The following TFDP2 variants were observed in gnomAD, a reference collection of about 807,000 sequenced individuals.
The protein encoded by TFDP2 is transcription factor Dp-2 (E2F dimerization partner 2).
In TFDP2, 17 loss-of-function variants were observed where a neutral mutation model predicts 59.3. The ratio of observed to expected loss-of-function variants is 0.29; its 90% CI spans 0.20 to 0.43. The LOEUF (loss-of-function observed/expected upper bound fraction) is 0.43, where lower values mean the gene tolerates loss of function less well. Ranked by LOEUF, TFDP2 falls within the 20% of genes least tolerant of loss-of-function variation. TFDP2 has a pLI of 1.00. For synonymous variants in TFDP2, 180 were observed against 194.7 expected (o/e 0.92, Z 0.63); for missense variants, 391 against 528.8 (o/e 0.74, Z 2.56).
intron 7 of TFDP2, among the ~76,000 whole-genome samples, chr3:141,975,763 A>C (rs1940549339): frequency 6.6e-6 from 1 of 151,734 alleles, no homozygotes; most frequent in Admixed American, 6.6e-5. Flanking sequence ...TACTGGGAGG[A>C]GGCAATGTGA....
At position 141,968,604 on chromosome 3, in the gene TFDP2, CAT is replaced by C. The variant is rs1241148652; in HGVS notation, c.732+1467_732+1468del. On this transcript the variant is annotated intron_variant, in intron 9 of 12. Transcript: ENST00000489671. ...ATATCTCATATATAGATATATATAACATATATATCTCATATATAGATATATAT... is the reference window on the plus strand; with the variant it reads ...ATATCTCATATATAGATATATATAACATATATCTCATATATAGATATATAT... Among the ~76,000 whole-genome samples, 158 of 100,556 alleles carry C rather than the reference CAT, an allele frequency of 1.6e-3. 3 individuals carry two copies. The highest frequency in any genetic ancestry group is 2.4e-3 in the Non-Finnish European group (133 of 54,326). 66.0% of individuals were successfully genotyped at this position (100,556 alleles called of 152,430 possible). A position where few individuals can be genotyped will look rare whatever the true frequency, so the allele number is the denominator to read the frequency against.
chr3:142,138,437 T>C (rs1358348277), intron 1 of TFDP2, among the ~76,000 whole-genome samples: 5 of 152,228 alleles, frequency 3.3e-5, no homozygotes, highest in Non-Finnish European at 7.3e-5. Flanking sequence ...TGCTCTTGCT[T>C]CTCTAGTTCT....
At chr3:142,120,818 C>T (rs1329755344) in intron 1 of TFDP2, among the ~76,000 whole-genome samples, 1 of 152,104 alleles carries the variant, frequency 6.6e-6, no homozygotes, top group East Asian at 1.9e-4. Flanking sequence ...TGGGAACAAC[C>T]ACTGTTCATA....
intron 3 of TFDP2, among the ~76,000 whole-genome samples, chr3:142,051,266 G>A (rs769491838): frequency 2.6e-4 from 39 of 152,154 alleles, no homozygotes; most frequent in African/African-American, 3.4e-4. Flanking sequence ...CAGGCCTGGC[G>A]CGGTGGCTCA....
intron 3 of TFDP2, among the ~76,000 whole-genome samples, chr3:142,020,099 A>C (rs1427013982): frequency 4.6e-5 from 7 of 152,238 alleles, no homozygotes; most frequent in African/African-American, 1.7e-4. Context: ...TTTGTTTTGC[A>C]AAGAGAAATG....
chr3:142,140,788 G>C (rs1472044856), intron 1 of TFDP2, among the ~76,000 whole-genome samples: 1 of 152,190 alleles, frequency 6.6e-6, no homozygotes, highest in South Asian at 2.1e-4. Flanking sequence ...CCTGTATGAG[G>C]TGTCTGTCGC....
intron 3 of TFDP2, among the ~76,000 whole-genome samples, chr3:142,063,428 T>C (rs553184032): frequency 2.6e-5 from 4 of 152,336 alleles, no homozygotes; most frequent in South Asian, 2.1e-4. Flanking sequence ...TTAGCTATCA[T>C]ATACATACAT....
rs779494754 is a variant in TFDP2 at position 141,995,095 on chromosome 3, A to T, written c.233T>A (p.Ile78Asn). The T allele has an allele frequency of 6.2e-7, 1 of 1,611,164 alleles. No individual in the cohort carries two copies. The highest frequency in any genetic ancestry group is 1.3e-5 in the African/African-American group (1 of 74,878). Residue 78 changes from isoleucine to asparagine, a missense_variant, in exon 5 of 13, where the codon ATT becomes AAT. Transcript: ENST00000489671. ...TGGTGCAGGGGTATATGGACTCCCA[A>T]TCAGAACACTTCCTGAACTGGTTAG... The part of the protein sequence containing the change: ...QRLTSSGSVL[I>N]GSPYTPAPAM...
chr3:142,115,996 A>G (rs1226911510), intron 1 of TFDP2, among the ~76,000 whole-genome samples: 1 of 152,130 alleles, frequency 6.6e-6, no homozygotes, highest in South Asian at 2.1e-4. Context: ...CTACAATTAC[A>G]TAAGATGTTA....
intron 3 of TFDP2, among the ~76,000 whole-genome samples, chr3:142,075,021 A>C (rs1461247657): frequency 1.3e-5 from 2 of 152,154 alleles, no homozygotes; most frequent in African/African-American, 4.8e-5. Flanking sequence ...TCCACATGCA[A>C]AATAATGTTG....
At chr3:142,023,145 AAAAAG>A (rs1306087773) in intron 3 of TFDP2, among the ~76,000 whole-genome samples, 8 of 149,234 alleles carry the variant, frequency 5.4e-5, no homozygotes, top group African/African-American at 1.5e-4. Context: ...AAAAAAAAAG[AAAAAG>A]AAAAGAAAAA....
intron 3 of TFDP2, among the ~76,000 whole-genome samples, chr3:142,021,053 C>T (rs1945556800): frequency 6.6e-6 from 1 of 152,038 alleles, no homozygotes; most frequent in Non-Finnish European, 1.5e-5. Flanking sequence ...CACATTACAC[C>T]ACTGTTATGT....
intron 3 of TFDP2, among the ~76,000 whole-genome samples, chr3:142,019,053 A>ATTTT (rs62999460): frequency 7.1e-6 from 1 of 140,310 alleles, no homozygotes; most frequent in Non-Finnish European, 1.6e-5. Flanking sequence ...TTCTTCGCAC[A>ATTTT]TTTTTTTTTT....
chr3:142,134,239 C>T (rs1234183626), intron 1 of TFDP2, among the ~76,000 whole-genome samples: 2 of 151,400 alleles, frequency 1.3e-5, no homozygotes, highest in African/African-American at 4.8e-5. Flanking sequence ...ATCCCAGCTA[C>T]TCAGGAGCCT....
intron 7 of TFDP2, among the ~76,000 whole-genome samples, chr3:141,977,106 A>ATT (rs66720095): frequency 2.7e-4 from 26 of 97,500 alleles, no homozygotes; most frequent in African/African-American, 6.3e-4. Flanking sequence ...ATATATATAT[A>ATT]TTTTTTTTTT....
intron 3 of TFDP2, among the ~76,000 whole-genome samples, chr3:142,092,091 G>C (rs1284654549): frequency 6.6e-6 from 1 of 152,076 alleles, no homozygotes; most frequent in Non-Finnish European, 1.5e-5. Flanking sequence ...AAACCCCACA[G>C]AAATATTACC....
intron 3 of TFDP2, among the ~76,000 whole-genome samples, chr3:142,038,705 C>T (rs560030839): frequency 2.3e-4 from 35 of 152,120 alleles, no homozygotes; most frequent in African/African-American, 7.9e-4. Flanking sequence ...GTTTTGTGTA[C>T]ACATATCGAG....
At chr3:142,012,204 G>T (rs1189113117) in intron 3 of TFDP2, among the ~76,000 whole-genome samples, 1 of 151,944 alleles carries the variant, frequency 6.6e-6, no homozygotes, top group Non-Finnish European at 1.5e-5. Context: ...AGTAGAGACG[G>T]GGTTTCACTG....
Position 142,030,844 on chromosome 3 carries a change from G to T in TFDP2, c.83-25300C>A, listed in dbSNP as rs953967875. Among the ~76,000 whole-genome samples the T allele has an allele frequency of 1.2e-4, 18 of 144,446 alleles. No individual in the cohort carries two copies. In the South Asian group the frequency reaches 3.5e-3, roughly 28 times the overall value. The allele number at this position is 144,446 out of a possible 152,430, so 94.8% of individuals were successfully genotyped here. On this transcript the variant is annotated intron_variant, in intron 3 of 12. Transcript: ENST00000489671. ...TGCAAGCTCCGCCTCCCGGGTTCAC[G>T]CCATTCTCCTGCCTCAGCCTCCCAA...
Sources: gnomAD v4.1 joint callset for allele counts (sites outside exome capture counted in the v4.1 genomes callset) on GRCh38, gnomAD v4.1.1 for gene constraint, MANE v1.5 for transcripts, NCBI Gene and HGNC (gene_info 2026-07-23, HGNC 2026-07-21) for gene names.